Variants in SORBS2 observed in about 807,000 individuals in gnomAD.
The protein encoded by SORBS2 is sorbin and SH3 domain-containing protein 2.
In SORBS2, 46 loss-of-function variants were observed where a neutral mutation model predicts 97.7. The observed-to-expected ratio is 0.47, with a 90% CI of 0.37 to 0.60. The LOEUF is 0.60. Among genes scored for constraint, SORBS2 ranks in the 20% least tolerant of loss-of-function variants. The probability of loss-of-function intolerance (pLI) is 0.00; values close to 1 mark genes in which losing one functional copy is unlikely to be tolerated. For missense variants in SORBS2, 1,316 were observed against 1,282.3 expected (o/e 1.03, Z -0.40); for synonymous variants, 476 against 473.4 (o/e 1.01, Z -0.07).
At chr4:185,731,616 C>A in intron 2 of SORBS2, among the ~76,000 whole-genome samples, 1 of 122,706 alleles carries the variant, frequency 8.1e-6, no homozygotes, top group South Asian at 3.3e-4. Flanking sequence ...CTCTCTCTCC[C>A]TCCCTGCCTA....
intron 1 of SORBS2, among the ~76,000 whole-genome samples, chr4:185,810,159 C>T (rs4861681): frequency 0.12 from 17,815 of 152,238 alleles, 1,150 homozygotes; most frequent in Middle Eastern, 0.19. Flanking sequence ...CCCGCATAGG[C>T]GTACACTTAT....
intron 1 of SORBS2, among the ~76,000 whole-genome samples, chr4:185,842,555 G>A (rs1292438426): frequency 1.3e-5 from 2 of 152,130 alleles, no homozygotes; most frequent in African/African-American, 4.8e-5. Flanking sequence ...GGGGCAACTT[G>A]ATCAGATTTG....
chr4:185,660,539 A>G (rs1054991546), upstream of SORBS2, among the ~76,000 whole-genome samples: 1 of 152,238 alleles, frequency 6.6e-6, no homozygotes, highest in Admixed American at 6.5e-5. Flanking sequence ...TTAGACTTTA[A>G]TAAGTCCCGC....
chr4:185,598,883 T>C (rs533399385), intron 12 of SORBS2, among the ~76,000 whole-genome samples: 83 of 146,748 alleles, frequency 5.7e-4, no homozygotes, highest in Non-Finnish European at 1.1e-3. Flanking sequence ...AGGCAAAAAA[T>C]AAAAAAAAAA....
intron 1 of SORBS2, among the ~76,000 whole-genome samples, chr4:185,799,836 C>T (rs777619171): frequency 6.6e-6 from 1 of 152,120 alleles, no homozygotes; most frequent in Non-Finnish European, 1.5e-5. Context: ...TAGAGGGTTT[C>T]GTACCTCGGC....
At chr4:185,809,455 C>CGAAA (rs779906427) in intron 1 of SORBS2, among the ~76,000 whole-genome samples, 1 of 47,296 alleles carries the variant, frequency 2.1e-5, no homozygotes, top group Non-Finnish European at 3.5e-5. Flanking sequence ...ACTGCATTTG[C>CGAAA]AAAAAAAAAA....
At chr4:185,605,330 C>T (rs114513185) in intron 12 of SORBS2, among the ~76,000 whole-genome samples, 56 of 152,304 alleles carry the variant, frequency 3.7e-4, no homozygotes, top group Admixed American at 7.2e-4. Context: ...TTGCCCAGAA[C>T]GGAGTGCAGT....
At chr4:185,952,050 G>A (rs1244003058) in intron 1 of SORBS2, among the ~76,000 whole-genome samples, 2 of 141,676 alleles carry the variant, frequency 1.4e-5, no homozygotes, top group Non-Finnish European at 3.2e-5. Flanking sequence ...TTTTTTGATA[G>A]AGTCTCACTC....
intron 2 of SORBS2, among the ~76,000 whole-genome samples, chr4:185,750,062 A>G (rs1295502705): frequency 6.6e-6 from 1 of 152,232 alleles, no homozygotes. Context: ...TCAGATCTGC[A>G]TGTTGCAGAA....
In SORBS2 at chr4:185,606,382, G is replaced by C. The variant is rs937189741; in HGVS notation, c.2796+5398C>G. 9.3e-6 allele frequency: 9 copies of C among 964,994 alleles called. No homozygotes were observed. The highest frequency in any genetic ancestry group is 1.1e-5 in the Non-Finnish European group (9 of 811,788). 59.8% of individuals were successfully genotyped at this position (964,994 alleles called of 1,614,324 possible). A position where few individuals can be genotyped will look rare whatever the true frequency, so the allele number is the denominator to read the frequency against. The stretch of plus-strand genomic sequence containing the variant: ...TGGTCCTGAAGAAAAATGGGATAAT[G>C]GAATTATATCACATATTTACATCAT... On this transcript the variant is annotated intron_variant, in intron 12 of 14. Coordinates refer to ENST00000418609, the Ensembl canonical transcript of SORBS2. This position sits in a 1 kb window ranked among gnomAD's most constrained non-coding sequence, Gnocchi z 4.3.
chr4:185,715,606 C>G (rs6825510), intron 2 of SORBS2, among the ~76,000 whole-genome samples: 81,581 of 151,882 alleles, frequency 0.54, 22,208 homozygotes, highest in Non-Finnish European at 0.59. Context: ...CATTATATTT[C>G]AAAATTGTTT....
intron 2 of SORBS2, among the ~76,000 whole-genome samples, chr4:185,679,162 T>C (rs2097838140): frequency 6.6e-6 from 1 of 152,210 alleles, no homozygotes; most frequent in South Asian, 2.1e-4. Context: ...ATCTGGTTTA[T>C]AAACAGCACT....
At chr4:185,896,433 A>C (rs1275012677) in intron 1 of SORBS2, among the ~76,000 whole-genome samples, 3 of 152,056 alleles carry the variant, frequency 2.0e-5, no homozygotes, top group Non-Finnish European at 4.4e-5. Flanking sequence ...AAAATGCAAA[A>C]ATTAGCTGGG....
At chr4:185,765,804 T>C (rs1584422839) in intron 2 of SORBS2, among the ~76,000 whole-genome samples, 1 of 152,226 alleles carries the variant, frequency 6.6e-6, no homozygotes, top group Non-Finnish European at 1.5e-5. Flanking sequence ...CACATAAAAG[T>C]CTACCTCTGA....
At chr4:185,942,330 G>A (rs939722944) in intron 1 of SORBS2, among the ~76,000 whole-genome samples, 3 of 150,808 alleles carry the variant, frequency 2.0e-5, no homozygotes, top group African/African-American at 7.3e-5. Flanking sequence ...TCATTTAGAT[G>A]ACTACATTTC....
intron 1 of SORBS2, among the ~76,000 whole-genome samples, chr4:185,868,625 C>A (rs375159291): frequency 3.3e-5 from 5 of 152,064 alleles, no homozygotes; most frequent in African/African-American, 1.2e-4. Flanking sequence ...CTAAGCACCA[C>A]GTTTTTTGTG....
intron 2 of SORBS2, among the ~76,000 whole-genome samples, chr4:185,650,148 G>A (rs2097287935): frequency 6.6e-6 from 1 of 152,096 alleles, no homozygotes; most frequent in Admixed American, 6.5e-5. Flanking sequence ...TGCTGTGCAA[G>A]GTACAAGGAA....
intron 1 of SORBS2, among the ~76,000 whole-genome samples, chr4:185,939,070 T>C (rs1040875071): frequency 1.3e-5 from 2 of 152,228 alleles, no homozygotes; most frequent in Non-Finnish European, 2.9e-5. Context: ...TTATCTTTTG[T>C]TCAGCCCTTT....
At chr4:185,644,367 G>A (rs534811684) in intron 4 of SORBS2, among the ~76,000 whole-genome samples, 1 of 152,046 alleles carries the variant, frequency 6.6e-6, no homozygotes, top group East Asian at 1.9e-4. Flanking sequence ...AACTACTTAG[G>A]GCCTAAGTTT....
Sources: allele counts gnomAD v4.1 joint callset (sites outside exome capture counted in the v4.1 genomes callset), GRCh38; gene constraint gnomAD v4.1.1; non-coding constraint Gnocchi (gnomAD v3.1); transcripts MANE v1.5; gene names NCBI Gene and HGNC (gene_info 2026-07-23, HGNC 2026-07-21).